The following RASAL2 variants were observed in gnomAD, a reference collection of about 807,000 sequenced individuals.
RASAL2 encodes RAS protein activator like 2.
Under a neutral mutation model 128.9 loss-of-function variants are expected in RASAL2, and 58 were observed. The ratio of observed to expected loss-of-function variants is 0.45; its 90% CI spans 0.36 to 0.56. The LOEUF (loss-of-function observed/expected upper bound fraction) is 0.56. RASAL2 is among the 20% of genes least tolerant of loss of function. The probability of loss-of-function intolerance (pLI) is 0.00; values close to 1 mark genes in which losing one functional copy is unlikely to be tolerated. For synonymous variants in RASAL2, 561 were observed against 580.8 expected (o/e 0.97, Z 0.49); for missense variants, 1,360 against 1,601.6 (o/e 0.85, Z 2.57).
intron 3 of RASAL2, among the ~76,000 whole-genome samples, chr1:178,363,951 C>T (rs959117465): frequency 9.0e-4 from 137 of 152,096 alleles, no homozygotes; most frequent in African/African-American, 3.2e-3. Flanking sequence ...AAAAAATTAG[C>T]GGGGCCAGGT....
chr1:178,366,081 C>T (rs1371408246), intron 3 of RASAL2, among the ~76,000 whole-genome samples: 1 of 152,070 alleles, frequency 6.6e-6, no homozygotes, highest in African/African-American at 2.4e-5. Context: ...TGTTAAATTT[C>T]CTGATTTTAA....
At chr1:178,410,651 C>T (rs1572024696) in intron 4 of RASAL2, among the ~76,000 whole-genome samples, 2 of 151,372 alleles carry the variant, frequency 1.3e-5, no homozygotes, top group African/African-American at 4.9e-5. Flanking sequence ...CAGAATCTAC[C>T]AGGAACTCAA....
chr1:178,124,698 A>G (rs1659835349), intron 1 of RASAL2, among the ~76,000 whole-genome samples: 1 of 152,136 alleles, frequency 6.6e-6, no homozygotes, highest in Non-Finnish European at 1.5e-5. Flanking sequence ...AGAAAATGTT[A>G]TTTGTATTTT....
intron 3 of RASAL2, among the ~76,000 whole-genome samples, chr1:178,329,256 A>G (rs115973020): frequency 0.024 from 3,631 of 152,304 alleles, 69 homozygotes; most frequent in Middle Eastern, 0.058. Context: ...AAGCAAAGGA[A>G]TGTTACTTTT....
chr1:178,259,949 C>T (rs1665585981), intron 1 of RASAL2, among the ~76,000 whole-genome samples: 1 of 152,128 alleles, frequency 6.6e-6, no homozygotes, highest in Non-Finnish European at 1.5e-5. Context: ...ACAACCTTAA[C>T]AGTTTGAATT....
intron 3 of RASAL2, among the ~76,000 whole-genome samples, chr1:178,349,829 T>C (rs933060025): frequency 4.6e-5 from 7 of 152,214 alleles, no homozygotes; most frequent in Admixed American, 3.3e-4. Flanking sequence ...TTCCTTGTTA[T>C]ATTGGACGAA....
intron 4 of RASAL2, among the ~76,000 whole-genome samples, chr1:178,410,848 C>A (rs1674321397): frequency 6.6e-6 from 1 of 151,750 alleles, no homozygotes; most frequent in East Asian, 1.9e-4. Context: ...CAAGAATGGC[C>A]ATAATTAAAA....
chr1:178,407,844 G>A lies in RASAL2; in HGVS notation c.565-12667G>A, dbSNP rs549624947. 1.4e-4 allele frequency among the ~76,000 whole-genome samples: 22 copies of A among 152,264 alleles called. No individual in the cohort carries two copies. In the East Asian group the frequency reaches 2.7e-3, roughly 19 times the overall value. On this transcript the variant is annotated intron_variant, in intron 4 of 17. Coordinates refer to ENST00000367649, the MANE Select transcript of RASAL2 (RefSeq NM_170692.4). ...AGGCATTGTCCCTTATTACCCCCAC[G>A]GAGGCTTCTGAGAGCAGTTGCATAG...
intron 1 of RASAL2, among the ~76,000 whole-genome samples, chr1:178,098,132 A>G (rs924744954): frequency 1.3e-5 from 2 of 152,138 alleles, no homozygotes; most frequent in Admixed American, 6.5e-5. Context: ...AAAATTTTTG[A>G]TATCAGGGAG....
At chr1:178,470,818 A>C in intron 17 of RASAL2, 1 of 1,031,378 alleles carries the variant, frequency 9.7e-7, no homozygotes, top group Non-Finnish European at 1.4e-6. Context: ...GCCACTCCCC[A>C]CATGGGAATC....
At chr1:178,115,999 T>C (rs191883437) in intron 1 of RASAL2, among the ~76,000 whole-genome samples, 3 of 152,268 alleles carry the variant, frequency 2.0e-5, no homozygotes, top group Middle Eastern at 6.8e-3. Flanking sequence ...TACTGAGAGT[T>C]TTTTCCCTAA....
intron 6 of RASAL2, 116 bp from the exon 7 acceptor site, chr1:178,441,433 A>G: frequency 1.5e-6 from 1 of 664,518 alleles, no homozygotes; most frequent in Non-Finnish European, 2.6e-6. Context: ...CATCCATCCT[A>G]ATTCCAGGAC....
intron 3 of RASAL2, among the ~76,000 whole-genome samples, chr1:178,348,153 A>G (rs908551756): frequency 2.0e-5 from 3 of 152,226 alleles, no homozygotes; most frequent in Non-Finnish European, 4.4e-5. Context: ...CCAAGGATAC[A>G]TAAGAGAGGC....
chr1:178,152,604 G>T (rs1660950590), intron 1 of RASAL2, among the ~76,000 whole-genome samples: 1 of 152,126 alleles, frequency 6.6e-6, no homozygotes, highest in South Asian at 2.1e-4. Context: ...GGCGGAGGTT[G>T]CAGTGAGCCG....
intron 17 of RASAL2, among the ~76,000 whole-genome samples, chr1:178,470,451 T>C (rs545224109): frequency 3.3e-5 from 5 of 152,312 alleles, no homozygotes; most frequent in Admixed American, 6.5e-5. Flanking sequence ...CAGAAGCACC[T>C]ATCCTGGACC....
chr1:178,389,184 A>T (rs1005241257), intron 3 of RASAL2: 17 of 683,348 alleles, frequency 2.5e-5, no homozygotes, highest in Non-Finnish European at 3.1e-5. Context: ...ATAACACAGA[A>T]TACTTTTTTT....
At chr1:178,194,390 C>T (rs1662590481) in intron 1 of RASAL2, 6 of 223,550 alleles carry the variant, frequency 2.7e-5, no homozygotes, top group South Asian at 8.4e-5. Flanking sequence ...TGTCTTTGGG[C>T]ATCTCTTAGC....
chr1:178,325,187 G>A lies in RASAL2; in HGVS notation c.457+25069G>A, dbSNP rs868115801. Among the ~76,000 whole-genome samples, 14 of 152,112 alleles carry A rather than the reference G, an allele frequency of 9.2e-5. No homozygotes were observed. In the Middle Eastern group the frequency reaches 0.01, roughly 111 times the overall value. On this transcript the variant is annotated intron_variant, in intron 3 of 17. Transcript: ENST00000367649. ...CATTCCTATTTTGTCTGTGTTTGACGTGTTCTTTCTAACTCTGAAGAGTAG... is the reference window on the plus strand; with the variant it reads ...CATTCCTATTTTGTCTGTGTTTGACATGTTCTTTCTAACTCTGAAGAGTAG...
At chr1:178,368,264 G>A (rs531119387) in intron 3 of RASAL2, among the ~76,000 whole-genome samples, 3 of 152,138 alleles carry the variant, frequency 2.0e-5, no homozygotes, top group South Asian at 4.2e-4. Flanking sequence ...TATGATTTTC[G>A]GTTTCTCATC....
Sources: allele counts gnomAD v4.1 joint callset (sites outside exome capture counted in the v4.1 genomes callset), GRCh38; gene constraint gnomAD v4.1.1; transcripts MANE v1.5; gene names NCBI Gene and HGNC (gene_info 2026-07-23, HGNC 2026-07-21).